The following S100A11 variants were observed in gnomAD, a reference collection of about 807,000 sequenced individuals.
S100A11 encodes the protein protein S100-A11.
In S100A11, 5 loss-of-function variants were observed where a neutral mutation model predicts 7.4. That is an observed-to-expected ratio of 0.68 (90% CI 0.35 to 1.42). The LOEUF (loss-of-function observed/expected upper bound fraction) is 1.42, where lower values mean the gene tolerates loss of function less well. Among genes scored for constraint, S100A11 ranks in the 40% most tolerant of loss-of-function variants. The pLI, the probability that S100A11 is intolerant of heterozygous loss-of-function variation, is 0.04. For missense variants in S100A11, 96 were observed against 125.0 expected, an observed-to-expected ratio of 0.77 and a Z score of 1.11; for synonymous variants, 47 against 46.6, an observed-to-expected ratio of 1.01 and a Z score of -0.04.
chr1:152,036,424 G>A (rs1237997336), intron 1 of S100A11, among the ~76,000 whole-genome samples: 1 of 152,156 alleles, frequency 6.6e-6, no homozygotes, highest in African/African-American at 2.4e-5. Flanking sequence ...GCCGTCTGCC[G>A]GGTGCTTACT....
rs1557786657 is a variant in S100A11, at chr1:152,033,546, T to C, written c.156+102A>G. Reference sequence around the variant, plus strand: ...AGAGTGAGTTAAAATGAAGCAAGAGTGTGGGGTGTCAGTTGCTGCTCCTTC... The same window carrying C: ...AGAGTGAGTTAAAATGAAGCAAGAGCGTGGGGTGTCAGTTGCTGCTCCTTC... On this transcript the variant is annotated intron_variant, in intron 2 of 2. Transcript: ENST00000271638. The surrounding 1 kb of genome is among the most constrained non-coding windows in gnomAD (Gnocchi z 4.0). 1 of 1,041,514 alleles carries C rather than the reference T, an allele frequency of 9.6e-7. No homozygotes were observed. Among genetic ancestry groups the C allele is most frequent in the Non-Finnish European group, 1.5e-6 (1 of 681,630 alleles). The allele number at this position is 1,041,514 out of a possible 1,614,324, so 64.5% of individuals were successfully genotyped here. A position where few individuals can be genotyped will look rare whatever the true frequency, so the allele number is the denominator to read the frequency against.
rs1313525873 is a variant in S100A11, at chr1:152,033,373, T to C, written c.156+275A>G. Among the ~76,000 whole-genome samples, 8 of 152,250 alleles carry C rather than the reference T, an allele frequency of 5.3e-5. No individual in the cohort carries two copies. The highest frequency in any genetic ancestry group is 1.7e-4 in the African/African-American group (7 of 41,474). On this transcript the variant is annotated intron_variant, in intron 2 of 2. Transcript: ENST00000271638. The surrounding 1 kb of genome is among the most constrained non-coding windows in gnomAD (Gnocchi z 4.0). ...GCTACCATGTTGGATAGAGCAGATA[T>C]AGAATGTATTTCCACCACTGCAGAA...
intron 1 of S100A11, among the ~76,000 whole-genome samples, chr1:152,035,258 CT>C (rs1656809883): frequency 6.6e-6 from 1 of 152,212 alleles, no homozygotes; most frequent in Non-Finnish European, 1.5e-5. Flanking sequence ...TAAAATCTCC[CT>C]GTCTTACTAA....
chr1:152,036,917 T>G lies in S100A11; in HGVS notation c.-2A>C, dbSNP rs532376102. 2.5e-6 allele frequency: 4 copies of G among 1,613,244 alleles called. No homozygotes were observed. The highest frequency in any genetic ancestry group is 2.2e-5 in the East Asian group (1 of 44,846). ...AAGAAGAAAAGTGAGGCTTACCATGTTGGAGCTGAGCGAGGCGCGGGAGGC... is the reference window on the plus strand; with the variant it reads ...AAGAAGAAAAGTGAGGCTTACCATGGTGGAGCTGAGCGAGGCGCGGGAGGC... On this transcript the variant is annotated 5_prime_UTR_variant, in exon 1 of 3. Coordinates refer to ENST00000271638, the MANE Select transcript of S100A11 (RefSeq NM_005620.2).
At chr1:152,035,658 C>T (rs1207698423) in intron 1 of S100A11, among the ~76,000 whole-genome samples, 1 of 152,262 alleles carries the variant, frequency 6.6e-6, no homozygotes, top group East Asian at 1.9e-4. Flanking sequence ...CCTGAGGACG[C>T]CCAGAAACCG....
At position 152,033,610 on chromosome 1, in the gene S100A11, G is replaced by A; in HGVS notation, c.156+38C>T. The A allele has an allele frequency of 2.5e-6, 4 of 1,599,640 alleles. No homozygotes were observed. Among genetic ancestry groups the A allele is most frequent in the Non-Finnish European group, 3.4e-6 (4 of 1,168,884 alleles). Reference sequence around the variant, plus strand: ...CTGCCAGGGTCTTGTTTCATGTTGTGGGTAGTTTGGGGAAGTGGGGGAGAC... The same window carrying A: ...CTGCCAGGGTCTTGTTTCATGTTGTAGGTAGTTTGGGGAAGTGGGGGAGAC... On this transcript the variant is annotated intron_variant, in intron 2 of 2. Transcript: ENST00000271638. The surrounding 1 kb of genome is among the most constrained non-coding windows in gnomAD (Gnocchi z 4.0).
In S100A11 at chr1:152,036,765, A is replaced by T; in HGVS notation, c.3+148T>A. ...TTCATCCTTCCATCCCTTCTTCCCC[A>T]GTTCCCTCCCACGAGGCTGATTTTT... On this transcript the variant is annotated intron_variant, in intron 1 of 2. Transcript: ENST00000271638. 3 of 715,808 alleles carry T rather than the reference A, an allele frequency of 4.2e-6. No homozygotes were observed. The South Asian group carries it at 5.1e-5, about 12-fold the overall frequency. The allele number at this position is 715,808 out of a possible 1,614,324, so 44.3% of individuals were successfully genotyped here.
At chr1:152,036,253 A>G (rs762870246) in intron 1 of S100A11, among the ~76,000 whole-genome samples, 2 of 152,120 alleles carry the variant, frequency 1.3e-5, no homozygotes, top group Non-Finnish European at 2.9e-5. Context: ...GAAAGGAGAT[A>G]AGAAGAGAAA....
At chr1:152,032,891 A>G in intron 2 of S100A11, 68 bp from the exon 3 acceptor site, 1 of 1,201,580 alleles carries the variant, frequency 8.3e-7, no homozygotes, top group Admixed American at 1.8e-5. Flanking sequence ...ATGCTGCCAC[A>G]TTTTATTCTC....
rs138718504 is a variant in S100A11, at chr1:152,032,757, G to A, written c.223C>T (p.Leu75=). Residue 75 remains leucine (L), a synonymous_variant, in exon 3 of 3, where the codon CTA becomes TTA. Transcript: ENST00000271638. ...KKLDTNSDGQ[L]DFSEFLNLIG... is the part of the protein sequence containing the mutation. ...AGATTAAGAAATTCTGAGAAATCTAGCTGACCATCACTGTTGGTGTCCAGT... is the reference window on the plus strand; with the variant it reads ...AGATTAAGAAATTCTGAGAAATCTAACTGACCATCACTGTTGGTGTCCAGT... 116 of 1,613,954 alleles carry A rather than the reference G, an allele frequency of 7.2e-5. No individual in the cohort carries two copies. Among genetic ancestry groups the A allele is most frequent in the Admixed American group, 1.7e-4 (10 of 60,030 alleles).
Position 152,033,557 on chromosome 1 carries a change from A to G in S100A11, c.156+91T>C. ...AAATGAAGCAAGAGTGTGGGGTGTC[A>G]GTTGCTGCTCCTTCATTCCTGGCCA... On this transcript the variant is annotated intron_variant, in intron 2 of 2. Coordinates refer to ENST00000271638, the MANE Select transcript of S100A11 (RefSeq NM_005620.2). This position sits in a 1 kb window ranked among gnomAD's most constrained non-coding sequence, Gnocchi z 4.0. 4 of 1,198,058 alleles carry G rather than the reference A, an allele frequency of 3.3e-6. No individual in the cohort carries two copies. The highest frequency in any genetic ancestry group is 4.9e-6 in the Non-Finnish European group (4 of 817,656). 74.2% of individuals were successfully genotyped at this position (1,198,058 alleles called of 1,614,324 possible). A position where few individuals can be genotyped will look rare whatever the true frequency, so the allele number is the denominator to read the frequency against.
intron 2 of S100A11, 102 bp from the exon 3 acceptor site, chr1:152,032,925 G>T: frequency 1.1e-6 from 1 of 914,690 alleles, no homozygotes; most frequent in Non-Finnish European, 1.7e-6. Context: ...GTACAGGATA[G>T]GGATTATTAA....
Position 152,032,555 on chromosome 1 carries a change from C to T in S100A11, c.*107G>A. ...GCTTTATTACTATTGGCAGGTGGGG[C>T]CTGCATGAGGTGGTTAGTGTGCTCA... On this transcript the variant is annotated 3_prime_UTR_variant, in exon 3 of 3. Transcript: ENST00000271638. 1.1e-6 allele frequency: 1 copy of T among 899,748 alleles called. No individual in the cohort carries two copies. Among genetic ancestry groups the T allele is most frequent in the Non-Finnish European group, 1.7e-6 (1 of 596,312 alleles). The allele number at this position is 899,748 out of a possible 1,614,324, so 55.7% of individuals were successfully genotyped here. A position where few individuals can be genotyped will look rare whatever the true frequency, so the allele number is the denominator to read the frequency against.
In S100A11 at chr1:152,036,940, G is replaced by C. The variant is rs1656846543; in HGVS notation, c.-25C>G. 3 of 1,613,610 alleles carry C rather than the reference G, an allele frequency of 1.9e-6. No homozygotes were observed. In the African/African-American group the frequency reaches 4.0e-5, roughly 22 times the overall value. ...TGTTGGAGCTGAGCGAGGCGCGGGA[G>C]GCTGTGGCTGGGAGCGGCGCTGAGA... On this transcript the variant is annotated 5_prime_UTR_variant, in exon 1 of 3. Transcript: ENST00000271638.
Position 152,033,813 on chromosome 1 carries a change from A to C in S100A11, c.4-13T>G, listed in dbSNP as rs1656784134. 2.5e-6 allele frequency: 4 copies of C among 1,613,446 alleles called. No individual in the cohort carries two copies. In the African/African-American group the frequency reaches 4.0e-5, roughly 16 times the overall value. ...TGGAGATTTTTGCCTTTGGAGAAAA[A>C]AAATTGCAGGGCTCAGACAAGGGAA... On this transcript the variant is annotated splice_polypyrimidine_tract_variant and intron_variant, in intron 1 of 2. Transcript: ENST00000271638. The surrounding 1 kb of genome is among the most constrained non-coding windows in gnomAD (Gnocchi z 4.0).
Position 152,033,521 on chromosome 1 carries a change from A to C in S100A11, c.156+127T>G. 1 of 821,138 alleles carries C rather than the reference A, an allele frequency of 1.2e-6. No individual in the cohort carries two copies. The highest frequency in any genetic ancestry group is 2.0e-6 in the Non-Finnish European group (1 of 495,856). The allele number at this position is 821,138 out of a possible 1,614,324, so 50.9% of individuals were successfully genotyped here. A position where few individuals can be genotyped will look rare whatever the true frequency, so the allele number is the denominator to read the frequency against. ...TCCTAAATGGAAAAACTCCTGGCTT[A>C]GAGTGAGTTAAAATGAAGCAAGAGT... On this transcript the variant is annotated intron_variant, in intron 2 of 2. Transcript: ENST00000271638. This position sits in a 1 kb window ranked among gnomAD's most constrained non-coding sequence, Gnocchi z 4.0.
chr1:152,033,701 A>T lies in S100A11; in HGVS notation c.103T>A (p.Ser35Thr). ...AGKDGYNYTL[S>T]KTEFLSFMNT... ...ATGAAGCTTAGGAACTCTGTCTTGG[A>T]GAGAGTGTAGTTATAACCATCCTTT... Residue 35 changes from serine to threonine, a missense_variant, in exon 2 of 3, where the codon TCC (serine) becomes ACC (threonine). By Grantham distance (58) the Ser-to-Thr change is moderately conservative. Transcript: ENST00000271638. This position sits in a 1 kb window ranked among gnomAD's most constrained non-coding sequence, Gnocchi z 4.0. The T allele has an allele frequency of 6.2e-7, 1 of 1,613,806 alleles. No homozygotes were observed. Among genetic ancestry groups the T allele is most frequent in the South Asian group, 1.1e-5 (1 of 91,070 alleles).
chr1:152,033,815 A>T lies in S100A11; in HGVS notation c.4-15T>A, dbSNP rs762032768. ...GAGATTTTTGCCTTTGGAGAAAAAA[A>T]ATTGCAGGGCTCAGACAAGGGAAGA... On this transcript the variant is annotated splice_polypyrimidine_tract_variant and intron_variant, in intron 1 of 2. Coordinates refer to ENST00000271638, the MANE Select transcript of S100A11 (RefSeq NM_005620.2). This position sits in a 1 kb window ranked among gnomAD's most constrained non-coding sequence, Gnocchi z 4.0. 7 of 1,613,220 alleles carry T rather than the reference A, an allele frequency of 4.3e-6. No homozygotes were observed. In the African/African-American group the frequency reaches 6.7e-5, roughly 15 times the overall value.
chr1:152,036,321 G>A (rs150522849), intron 1 of S100A11, among the ~76,000 whole-genome samples: 2 of 152,274 alleles, frequency 1.3e-5, no homozygotes, highest in Admixed American at 1.3e-4. Context: ...GAGGAAGGAG[G>A]AGAGGGCTCA....
Sources: gnomAD v4.1 joint callset for allele counts (sites outside exome capture counted in the v4.1 genomes callset) on GRCh38, gnomAD v4.1.1 for gene constraint, Gnocchi (gnomAD v3.1) non-coding constraint, MANE v1.5 for transcripts, NCBI Gene and HGNC (gene_info 2026-07-23, HGNC 2026-07-21) for gene names.